Variants in ATP10B observed in about 807,000 individuals in gnomAD.
ATP10B encodes ATPase phospholipid transporting 10B (putative).
ATP10B carries 122 observed loss-of-function variants against 141.2 expected under a neutral mutation model. The observed-to-expected ratio is 0.86, with a 90% CI of 0.75 to 1.00. The LOEUF (loss-of-function observed/expected upper bound fraction) is 1.00. Ranked by LOEUF, ATP10B falls within the 50% of genes least tolerant of loss-of-function variation. The pLI, the probability that ATP10B is intolerant of heterozygous loss-of-function variation, is 0.00. For missense variants in ATP10B, 1,876 were observed against 1,825.3 expected, an observed-to-expected ratio of 1.03 and a Z score of -0.51; for synonymous variants, 685 against 692.0, an observed-to-expected ratio of 0.99 and a Z score of 0.16.
intron 2 of ATP10B, among the ~76,000 whole-genome samples, chr5:160,760,817 C>T (rs1317759454): frequency 6.6e-6 from 1 of 152,128 alleles, no homozygotes; most frequent in Non-Finnish European, 1.5e-5. Context: ...AACATAACTC[C>T]ATTGGCCTGA....
intron 2 of ATP10B, among the ~76,000 whole-genome samples, chr5:160,721,590 G>A (rs1001979820): frequency 6.6e-6 from 1 of 152,168 alleles, no homozygotes; most frequent in African/African-American, 2.4e-5. Context: ...AGAGGCAGGT[G>A]GAAAAGGCTA....
rs563253969 is a variant in ATP10B, at chr5:160,622,384, T to C, written c.1812+10A>G. 4.4e-6 allele frequency: 7 copies of C among 1,607,420 alleles called. No homozygotes were observed. In the South Asian group the frequency reaches 7.8e-5, roughly 18 times the overall value. On this transcript the variant is annotated intron_variant, in intron 14 of 25. Transcript: ENST00000327245. ...TTTACCCTCCTCCCCCAGCCATCGC[T>C]GGTCCTTACCCTCTGCCTGGGCTCG...
At chr5:160,787,148 AC>A (rs1771228379) in intron 1 of ATP10B, among the ~76,000 whole-genome samples, 1 of 142,900 alleles carries the variant, frequency 7.0e-6, no homozygotes, top group African/African-American at 2.6e-5. Flanking sequence ...ACACACACAC[AC>A]ATTATTTGAA....
At chr5:160,707,519 TC>T (rs1165940196) in intron 3 of ATP10B, among the ~76,000 whole-genome samples, 1 of 152,232 alleles carries the variant, frequency 6.6e-6, no homozygotes, top group Non-Finnish European at 1.5e-5. Context: ...ATACAGACTT[TC>T]CATAGCCATG....
chr5:160,653,099 T>C (rs1186964389), intron 7 of ATP10B, among the ~76,000 whole-genome samples: 1 of 127,170 alleles, frequency 7.9e-6, no homozygotes, highest in African/African-American at 2.9e-5. Context: ...TATATACACG[T>C]GTATATATAA....
At chr5:160,569,159 A>G (rs145644522) in intron 25 of ATP10B, among the ~76,000 whole-genome samples, 62 of 152,272 alleles carry the variant, frequency 4.1e-4, no homozygotes, top group African/African-American at 1.5e-3. Context: ...CTGGACTAAT[A>G]CAATAAAGGA....
At chr5:160,671,127 T>G (rs1201008083) in intron 6 of ATP10B, among the ~76,000 whole-genome samples, 3 of 126,678 alleles carry the variant, frequency 2.4e-5, no homozygotes, top group Non-Finnish European at 4.6e-5. Context: ...ATTGCGCCAC[T>G]GCACTCCAAC....
intron 7 of ATP10B, among the ~76,000 whole-genome samples, chr5:160,653,580 TAC>T (rs1761118032): frequency 4.6e-5 from 1 of 21,908 alleles, no homozygotes; most frequent in Non-Finnish European, 7.2e-5. Context: ...TATACATATA[TAC>T]ATATATACAT....
intron 1 of ATP10B, among the ~76,000 whole-genome samples, chr5:160,789,750 G>T (rs1380200383): frequency 1.3e-5 from 2 of 152,182 alleles, no homozygotes. Flanking sequence ...TGGCAGAATA[G>T]ATAGTGGAGG....
rs534802684 is a variant in ATP10B, at chr5:160,622,476, G to A, written c.1730C>T (p.Thr577Ile). ...AAGGAAGAAATCAGCAATGGAGGAG[G>A]TGGTGGAGAGGGAAGCCTTGGCAGG... Reference protein sequence around the residue: ...SRPAKASLSTTSSIADFFLAL... With the variant: ...SRPAKASLSTISSIADFFLAL... The change falls in exon 14 of 26, where the codon ACC (threonine) becomes ATC (isoleucine). Residue 577 changes from threonine to isoleucine, a missense_variant. Coordinates refer to ENST00000327245, the MANE Select transcript of ATP10B (RefSeq NM_025153.3). 556 of 1,614,122 alleles carry A rather than the reference G, an allele frequency of 3.4e-4. 5 individuals are homozygous for A. In the South Asian group the frequency reaches 5.8e-3, roughly 17 times the overall value.
At chr5:160,869,302 C>A in the ATP10B span, among the ~76,000 whole-genome samples, 1 of 152,056 alleles carries the variant, frequency 6.6e-6, no homozygotes, top group Non-Finnish European at 1.5e-5. Context: ...AGAATGAGAA[C>A]TGGATGATGC....
At chr5:160,822,553 C>G (rs1427479627) in intron 1 of ATP10B, among the ~76,000 whole-genome samples, 1 of 152,052 alleles carries the variant, frequency 6.6e-6, no homozygotes. Flanking sequence ...GAAGAAATAT[C>G]TACACTACCA....
chr5:160,911,268 T>C, the ATP10B span, among the ~76,000 whole-genome samples: 1 of 152,218 alleles, frequency 6.6e-6, no homozygotes. Context: ...CTGCTATACG[T>C]TGGACATTCT....
chr5:160,896,345 A>G, the ATP10B span, among the ~76,000 whole-genome samples: 1 of 152,200 alleles, frequency 6.6e-6, no homozygotes, highest in Non-Finnish European at 1.5e-5. Context: ...TACACAATAA[A>G]AAATGATAAT....
At chr5:160,917,211 C>A in the ATP10B span, among the ~76,000 whole-genome samples, 1 of 151,252 alleles carries the variant, frequency 6.6e-6, no homozygotes, top group Non-Finnish European at 1.5e-5. Flanking sequence ...AGGAGACACA[C>A]AGCACATCAG....
intron 1 of ATP10B, among the ~76,000 whole-genome samples, chr5:160,815,052 C>T (rs967180484): frequency 1.3e-5 from 2 of 152,102 alleles, no homozygotes; most frequent in African/African-American, 2.4e-5. Context: ...TAAAGACCAT[C>T]GAGGCTAGGA....
chr5:160,756,144 GT>G (rs1414317529), intron 2 of ATP10B, among the ~76,000 whole-genome samples: 1 of 98,870 alleles, frequency 1.0e-5, no homozygotes, highest in African/African-American at 4.2e-5. Flanking sequence ...TTTGCATTAT[GT>G]ATTTTTTTTT....
chr5:160,754,484 G>T (rs566457104), intron 2 of ATP10B, among the ~76,000 whole-genome samples: 1 of 152,104 alleles, frequency 6.6e-6, no homozygotes, highest in African/African-American at 2.4e-5. Flanking sequence ...GTATGGCAAG[G>T]GTCTGTGGAA....
At chr5:160,903,370 C>G in the ATP10B span, among the ~76,000 whole-genome samples, 9 of 152,258 alleles carry the variant, frequency 5.9e-5, no homozygotes, top group East Asian at 1.9e-4. Flanking sequence ...CTCAGCATCC[C>G]TAGAGCACAG....
Sources: allele counts gnomAD v4.1 joint callset (sites outside exome capture counted in the v4.1 genomes callset), GRCh38; gene constraint gnomAD v4.1.1; transcripts MANE v1.5; gene names NCBI Gene and HGNC (gene_info 2026-07-23, HGNC 2026-07-21).